RAB3C: variants seen among roughly 807,000 people sequenced by gnomAD.
RAB3C encodes the protein RAB3C, member RAS oncogene family.
A neutral mutation model predicts 26.4 loss-of-function variants in RAB3C; 17 were observed. The ratio of observed to expected loss-of-function variants is 0.64; its 90% CI spans 0.44 to 0.97. The LOEUF (loss-of-function observed/expected upper bound fraction) is 0.97, where lower values mean the gene tolerates loss of function less well. RAB3C is among the 50% of genes least tolerant of loss of function. The pLI is 0.00. For synonymous variants in RAB3C, 91 were observed against 95.9 expected (o/e 0.95, Z 0.30); for missense variants, 242 against 281.9 (o/e 0.86, Z 1.01).
intron 2 of RAB3C, among the ~76,000 whole-genome samples, chr5:58,661,362 T>C (rs569850958): frequency 1.3e-5 from 2 of 150,212 alleles, no homozygotes; most frequent in African/African-American, 5.1e-5. Flanking sequence ...CATTTCCATG[T>C]TTATAATATG....
At chr5:58,657,872 A>G (rs937893082) in intron 2 of RAB3C, among the ~76,000 whole-genome samples, 4 of 152,200 alleles carry the variant, frequency 2.6e-5, no homozygotes, top group Non-Finnish European at 5.9e-5. Flanking sequence ...TTTATCCTTA[A>G]CATAAATTAT....
intron 4 of RAB3C, among the ~76,000 whole-genome samples, chr5:58,837,447 G>T (rs919978378): frequency 6.6e-6 from 1 of 151,848 alleles, no homozygotes; most frequent in Non-Finnish European, 1.5e-5. Context: ...CTCCCAAAGT[G>T]CTGGGATTAC....
At chr5:58,760,122 A>G (rs1281909052) in intron 3 of RAB3C, among the ~76,000 whole-genome samples, 4 of 152,186 alleles carry the variant, frequency 2.6e-5, no homozygotes, top group Non-Finnish European at 4.4e-5. Context: ...GACCATTGCC[A>G]TTCACTAGAT....
At chr5:58,706,305 C>T (rs903021258) in intron 2 of RAB3C, among the ~76,000 whole-genome samples, 3 of 151,984 alleles carry the variant, frequency 2.0e-5, no homozygotes, top group African/African-American at 7.2e-5. Flanking sequence ...GCATTTTTTT[C>T]GGTGGCCACC....
At chr5:58,678,398 A>G (rs561506108) in intron 2 of RAB3C, among the ~76,000 whole-genome samples, 10 of 152,124 alleles carry the variant, frequency 6.6e-5, no homozygotes, top group Non-Finnish European at 1.5e-4. Flanking sequence ...AGTAATTTGT[A>G]TTTTGATGGG....
intron 3 of RAB3C, among the ~76,000 whole-genome samples, chr5:58,755,284 T>C (rs1741630970): frequency 6.6e-6 from 1 of 152,254 alleles, no homozygotes; most frequent in South Asian, 2.1e-4. Flanking sequence ...TGAACTAATC[T>C]GATGTAATAA....
At chr5:58,588,163 G>GT (rs1304166586) in intron 1 of RAB3C, among the ~76,000 whole-genome samples, 2 of 152,066 alleles carry the variant, frequency 1.3e-5, no homozygotes, top group East Asian at 1.9e-4. Context: ...GGCTATAAAT[G>GT]TTTTTTCTAT....
chr5:58,823,187 A>T, intron 3 of RAB3C: 2 of 341,144 alleles, frequency 5.9e-6, no homozygotes, highest in South Asian at 5.2e-5. Flanking sequence ...CTTTCCGTTC[A>T]TAAAGAACAG....
chr5:58,604,859 G>A, intron 1 of RAB3C, among the ~76,000 whole-genome samples: 1 of 152,182 alleles, frequency 6.6e-6, no homozygotes, highest in East Asian at 1.9e-4. Flanking sequence ...TTGTTACAAA[G>A]TTCACCTAGA....
At chr5:58,668,580 C>T (rs1039846130) in intron 2 of RAB3C, among the ~76,000 whole-genome samples, 16 of 152,074 alleles carry the variant, frequency 1.1e-4, no homozygotes, top group African/African-American at 3.9e-4. Flanking sequence ...TCTGAGTCCA[C>T]ATTAGGTATA....
At chr5:58,834,018 C>T (rs1743679665) in intron 4 of RAB3C, among the ~76,000 whole-genome samples, 1 of 152,122 alleles carries the variant, frequency 6.6e-6, no homozygotes, top group Non-Finnish European at 1.5e-5. Flanking sequence ...TTTGATAACA[C>T]AAGAAATTAG....
At chr5:58,771,849 CT>C (rs540125417) in intron 3 of RAB3C, among the ~76,000 whole-genome samples, 1,331 of 131,768 alleles carry the variant, frequency 0.01, 13 homozygotes, top group African/African-American at 0.031. Context: ...TTTTCTTTTT[CT>C]TTTTTTTTTT....
chr5:58,746,729 T>A (rs1031976921), intron 3 of RAB3C, among the ~76,000 whole-genome samples: 1 of 152,250 alleles, frequency 6.6e-6, no homozygotes, highest in African/African-American at 2.4e-5. Context: ...TGTATCTTTC[T>A]GAAATAGGAA....
At chr5:58,804,449 G>C (rs1742886816) in intron 3 of RAB3C, among the ~76,000 whole-genome samples, 1 of 152,156 alleles carries the variant, frequency 6.6e-6, no homozygotes, top group Non-Finnish European at 1.5e-5. Flanking sequence ...CTCAACCCAG[G>C]GAGGGACATG....
chr5:58,766,457 C>T (rs1031634623), intron 3 of RAB3C, among the ~76,000 whole-genome samples: 18 of 152,096 alleles, frequency 1.2e-4, no homozygotes, highest in Non-Finnish European at 1.9e-4. Context: ...TTAATACATA[C>T]GGAAATAAAG....
At chr5:58,665,745 G>T (rs159005) in intron 2 of RAB3C, among the ~76,000 whole-genome samples, 21,532 of 152,040 alleles carry the variant, frequency 0.14, 1,934 homozygotes, top group Middle Eastern at 0.23. Flanking sequence ...TTCTATCTTC[G>T]TGGTAGCATC....
At chr5:58,665,039 G>A (rs1268333858) in intron 2 of RAB3C, among the ~76,000 whole-genome samples, 6 of 152,112 alleles carry the variant, frequency 3.9e-5, no homozygotes, top group Non-Finnish European at 5.9e-5. Context: ...TTGCTCTAAC[G>A]TCACCTCCTT....
chr5:58,717,254 G>A (rs890484657), intron 2 of RAB3C, among the ~76,000 whole-genome samples: 3 of 152,040 alleles, frequency 2.0e-5, no homozygotes, highest in African/African-American at 4.8e-5. Flanking sequence ...TATTCTCAGC[G>A]ACTGGTAGTA....
At chr5:58,810,453 A>G (rs1743050393) in intron 3 of RAB3C, among the ~76,000 whole-genome samples, 1 of 151,650 alleles carries the variant, frequency 6.6e-6, no homozygotes, top group East Asian at 1.9e-4. Flanking sequence ...TTGTTTTGAG[A>G]TATGATCATT....
Sources: gnomAD v4.1 joint callset for allele counts (sites outside exome capture counted in the v4.1 genomes callset) on GRCh38, gnomAD v4.1.1 for gene constraint, MANE v1.5 for transcripts, NCBI Gene and HGNC (gene_info 2026-07-23, HGNC 2026-07-21) for gene names.